Variants in NEK6 observed in about 807,000 individuals in gnomAD.
The protein encoded by NEK6 is NIMA related kinase 6, also known as serine/threonine-protein kinase Nek6.
NEK6 carries 27 observed loss-of-function variants against 43.5 expected under a neutral mutation model. That is an observed-to-expected ratio of 0.62 (90% CI 0.46 to 0.86). NEK6 has a LOEUF of 0.86. Ranked by LOEUF, NEK6 falls within the 40% of genes least tolerant of loss-of-function variation. The pLI, the probability that NEK6 is intolerant of heterozygous loss-of-function variation, is 0.00. For synonymous variants in NEK6, 167 were observed against 164.1 expected, an observed-to-expected ratio of 1.02 and a Z score of -0.14; for missense variants, 318 against 414.4, an observed-to-expected ratio of 0.77 and a Z score of 2.02.
Position 124,327,337 on chromosome 9 carries a change from G to A in NEK6, c.515-1G>A. The A allele has an allele frequency of 6.2e-6, 10 of 1,613,716 alleles. No homozygotes were observed. The highest frequency in any genetic ancestry group is 8.5e-6 in the Non-Finnish European group (10 of 1,179,858). On this transcript the variant is annotated splice_acceptor_variant, in intron 6 of 9. Coordinates refer to ENST00000320246, the MANE Select transcript of NEK6 (RefSeq NM_014397.6). LOFTEE classifies it high-confidence loss of function. ...CCAATCTCCTTCTCCTCGCCCTGCA[G>A]ACATCAAGCCTGCCAACGTGTTCAT...
chr9:124,319,664 C>A (rs935960867), intron 4 of NEK6, among the ~76,000 whole-genome samples: 2 of 152,220 alleles, frequency 1.3e-5, no homozygotes, highest in African/African-American at 4.8e-5. Context: ...TTTCATTCTT[C>A]TGCATATAGC....
At chr9:124,331,915 T>TC (rs939255771) in intron 7 of NEK6, among the ~76,000 whole-genome samples, 17 of 152,336 alleles carry the variant, frequency 1.1e-4, no homozygotes, top group African/African-American at 4.1e-4. Context: ...CTGGGAATGA[T>TC]CCTGTCAGTC....
At chr9:124,304,852 G>A (rs10986309) in intron 2 of NEK6, among the ~76,000 whole-genome samples, 60,239 of 152,088 alleles carry the variant, frequency 0.4, 12,388 homozygotes, top group Middle Eastern at 0.46. Context: ...GAACATACTT[G>A]CTTTTATAGA....
intron 2 of NEK6, among the ~76,000 whole-genome samples, chr9:124,307,842 C>T (rs532945427): frequency 1.3e-5 from 2 of 152,204 alleles, no homozygotes; most frequent in Non-Finnish European, 2.9e-5. Context: ...TCACTGCAGC[C>T]CCCAAGGTTA....
intron 4 of NEK6, among the ~76,000 whole-genome samples, chr9:124,314,601 C>T (rs1439856903): frequency 6.6e-6 from 1 of 152,052 alleles, no homozygotes; most frequent in African/African-American, 2.4e-5. Context: ...AGCAATCCTC[C>T]CGCCTCAGTC....
chr9:124,272,150 C>T (rs533039119), intron 1 of NEK6, among the ~76,000 whole-genome samples: 4 of 152,342 alleles, frequency 2.6e-5, no homozygotes, highest in African/African-American at 7.2e-5. Flanking sequence ...TGATGGTAAA[C>T]GACATGGTAT....
intron 9 of NEK6, among the ~76,000 whole-genome samples, chr9:124,348,179 A>G (rs1363469971): frequency 6.6e-6 from 1 of 152,210 alleles, no homozygotes; most frequent in African/African-American, 2.4e-5. Context: ...CAGGGGCAGG[A>G]TGTGGCAGGC....
In NEK6 at chr9:124,326,202, T is replaced by TTCCCCCCCCCCC; in HGVS notation, c.406-128_406-127insTCCCCCCCCCCC. On this transcript the variant is annotated intron_variant, in intron 5 of 9. Coordinates refer to ENST00000320246, the MANE Select transcript of NEK6 (RefSeq NM_014397.6). This position sits in a 1 kb window ranked among gnomAD's most constrained non-coding sequence, Gnocchi z 4.5. Reference sequence around the variant, plus strand: ...GCTTATTGTTTGCTCAGTGGCTCAATCCCCCCCCCCCGCCCCTGCCAGGCA... The same window carrying TTCCCCCCCCCCC: ...GCTTATTGTTTGCTCAGTGGCTCAATTCCCCCCCCCCCCCCCCCCCCCCGCCCCTGCCAGGCA... 8.1e-6 allele frequency: 1 copy of TTCCCCCCCCCCC among 124,050 alleles called. No individual in the cohort carries two copies. Among genetic ancestry groups the TTCCCCCCCCCCC allele is most frequent in the Non-Finnish European group, 2.0e-5 (1 of 50,616 alleles). The allele number at this position is 124,050 out of a possible 1,614,324, so 7.7% of individuals were successfully genotyped here. A position where few individuals can be genotyped will look rare whatever the true frequency, so the allele number is the denominator to read the frequency against.
At chr9:124,329,487 T>C (rs765105961) in intron 7 of NEK6, among the ~76,000 whole-genome samples, 18 of 152,298 alleles carry the variant, frequency 1.2e-4, no homozygotes, top group Non-Finnish European at 2.1e-4. Context: ...TGAGAAGGAA[T>C]TGGAACTTGG....
chr9:124,297,437 A>G (rs1221476339), intron 1 of NEK6, among the ~76,000 whole-genome samples: 1 of 152,232 alleles, frequency 6.6e-6, no homozygotes, highest in Non-Finnish European at 1.5e-5. Flanking sequence ...AAACCGGGCC[A>G]GGACCTGGAC....
At chr9:124,281,365 G>C (rs1255455927) in intron 1 of NEK6, among the ~76,000 whole-genome samples, 1 of 152,134 alleles carries the variant, frequency 6.6e-6, no homozygotes, top group Non-Finnish European at 1.5e-5. Context: ...TGAGTCCACT[G>C]GTTCCCAAAT....
In NEK6 at chr9:124,326,234, A is replaced by T; in HGVS notation, c.406-96A>T. ...CCCCCGCCCCTGCCAGGCACCAGTT[A>T]CCCACTGGGGAAAGGACAGAGGCAG... On this transcript the variant is annotated intron_variant, in intron 5 of 9. Transcript: ENST00000320246. The surrounding 1 kb of genome is among the most constrained non-coding windows in gnomAD (Gnocchi z 4.5). 1 of 195,240 alleles carries T rather than the reference A, an allele frequency of 5.1e-6. No homozygotes were observed. The allele number at this position is 195,240 out of a possible 1,614,324, so 12.1% of individuals were successfully genotyped here.
intron 8 of NEK6, 41 bp from the exon 9 acceptor site, chr9:124,347,668 T>A: frequency 7.4e-7 from 1 of 1,354,908 alleles, no homozygotes; most frequent in Non-Finnish European, 1.0e-6. Flanking sequence ...TTCTGAGCCT[T>A]GAGGCCGAAA....
At chr9:124,262,861 C>T (rs1180911295) in intron 1 of NEK6, 1 of 152,216 alleles carries the variant, frequency 6.6e-6, no homozygotes, top group Non-Finnish European at 1.5e-5. Context: ...GGGAAGTTGC[C>T]ATTCAGAGCC....
At chr9:124,349,046 T>C (rs1044994304) in intron 9 of NEK6, among the ~76,000 whole-genome samples, 3 of 152,250 alleles carry the variant, frequency 2.0e-5, no homozygotes, top group Non-Finnish European at 4.4e-5. Flanking sequence ...GGGCAGGTCC[T>C]GGGTGCTGCG....
At chr9:124,299,338 G>A (rs1325380758) in intron 1 of NEK6, among the ~76,000 whole-genome samples, 1 of 152,218 alleles carries the variant, frequency 6.6e-6, no homozygotes, top group Non-Finnish European at 1.5e-5. Flanking sequence ...GGGGTCTAGG[G>A]GTGCAGCTGG....
At chr9:124,301,859 A>C in intron 1 of NEK6, 77 bp from the exon 2 acceptor site, 1 of 1,203,502 alleles carries the variant, frequency 8.3e-7, no homozygotes, top group Non-Finnish European at 1.2e-6. Context: ...GCATCTGTAA[A>C]ATGGGGTGAG....
chr9:124,345,568 TC>T (rs1829876903), intron 8 of NEK6, among the ~76,000 whole-genome samples: 1 of 152,138 alleles, frequency 6.6e-6, no homozygotes, highest in African/African-American at 2.4e-5. Flanking sequence ...CCTTTGGAGT[TC>T]CCAGCAGCGA....
intron 8 of NEK6, 117 bp from the exon 9 acceptor site, chr9:124,347,592 G>A (rs1163174778): frequency 2.6e-5 from 15 of 584,672 alleles, no homozygotes; most frequent in Middle Eastern, 2.9e-4. Flanking sequence ...TGCTGGACTC[G>A]CCGCGGTCGG....
Sources: allele counts gnomAD v4.1 joint callset (sites outside exome capture counted in the v4.1 genomes callset), GRCh38; gene constraint gnomAD v4.1.1; non-coding constraint Gnocchi (gnomAD v3.1); transcripts MANE v1.5; gene names NCBI Gene and HGNC (gene_info 2026-07-23, HGNC 2026-07-21).